WDR64: variants seen among roughly 807,000 people sequenced by gnomAD.
WDR64 encodes the protein WD repeat domain 64.
A neutral mutation model predicts 139.3 loss-of-function variants in WDR64; 112 were observed. The ratio of observed to expected loss-of-function variants is 0.80; its 90% CI spans 0.69 to 0.94. The LOEUF (loss-of-function observed/expected upper bound fraction) is 0.94. Among genes scored for constraint, WDR64 ranks in the 40% least tolerant of loss-of-function variants. The pLI, the probability that WDR64 is intolerant of heterozygous loss-of-function variation, is 0.00. For synonymous variants in WDR64, 444 were observed against 437.7 expected (o/e 1.01, Z -0.18); for missense variants, 1,206 against 1,293.1 (o/e 0.93, Z 1.03).
chr1:241,675,112 C>CTTT (rs1666468101), intron 4 of WDR64, among the ~76,000 whole-genome samples: 1 of 96,802 alleles, frequency 1.0e-5, no homozygotes, highest in African/African-American at 4.6e-5. Flanking sequence ...CTCCTTCCTT[C>CTTT]CTCCCTCCCT....
chr1:241,760,188 T>C (rs953873600), intron 15 of WDR64, among the ~76,000 whole-genome samples: 1 of 152,204 alleles, frequency 6.6e-6, no homozygotes, highest in Non-Finnish European at 1.5e-5. Flanking sequence ...TGGGTGTACA[T>C]GTATTTCATT....
intron 20 of WDR64, among the ~76,000 whole-genome samples, chr1:241,774,081 T>C (rs1302516770): frequency 6.6e-6 from 1 of 152,170 alleles, no homozygotes; most frequent in East Asian, 1.9e-4. Context: ...CAGAAGATGA[T>C]GAAAGGAAGG....
rs1201060683 is a variant in WDR64, at chr1:241,741,588, A to G, written c.1394A>G (p.Glu465Gly). Residue 465 changes from glutamate (E) to glycine (G), a missense_variant, in exon 12 of 28, where the codon GAA becomes GGA. Transcript: ENST00000437684. ...ACAAAACAGGTTCCTCACACTCATG[A>G]ACGAGAAATCAATGTCATGCTTTAC... ...QDTKQVPHTHEREINVMLYNK... is the reference protein window; with the variant it reads ...QDTKQVPHTHGREINVMLYNK... The G allele has an allele frequency of 2.4e-5, 38 of 1,613,570 alleles. No individual in the cohort carries two copies. The highest frequency in any genetic ancestry group is 3.2e-5 in the Non-Finnish European group (38 of 1,179,866).
At chr1:241,738,633 A>C (rs6413961) in intron 11 of WDR64, 144 bp downstream of exon 11, 309,584 of 850,806 alleles carry the variant, frequency 0.36, 57,848 homozygotes, top group East Asian at 0.48. Flanking sequence ...TAGATATTTA[A>C]TTCAATTCTG....
intron 11 of WDR64, 90 bp downstream of exon 11, chr1:241,738,579 A>G (rs1171353550): frequency 2.2e-6 from 3 of 1,334,480 alleles, no homozygotes; most frequent in South Asian, 3.2e-5. Flanking sequence ...CTACAAGGAA[A>G]ACAAAACTAG....
intron 20 of WDR64, 137 bp downstream of exon 20, chr1:241,773,068 C>CAG: frequency 4.4e-6 from 5 of 1,130,938 alleles, no homozygotes; most frequent in Non-Finnish European, 6.0e-6. Context: ...GCTGATCTTG[C>CAG]AGCCTGTTTA....
chr1:241,795,351 T>G (rs1392380277), intron 26 of WDR64, 64 bp downstream of exon 26: 2 of 1,444,652 alleles, frequency 1.4e-6, no homozygotes, highest in African/African-American at 2.8e-5. Flanking sequence ...ATCTCATTCC[T>G]GACCCTGGGC....
intron 8 of WDR64, among the ~76,000 whole-genome samples, chr1:241,706,256 A>G (rs1667949788): frequency 6.6e-6 from 1 of 152,218 alleles, no homozygotes; most frequent in Non-Finnish European, 1.5e-5. Flanking sequence ...GGCTGCATTC[A>G]CACTGATACT....
chr1:241,705,503 C>T (rs368201183), intron 8 of WDR64, among the ~76,000 whole-genome samples: 2 of 150,724 alleles, frequency 1.3e-5, no homozygotes, highest in African/African-American at 4.9e-5. Context: ...GATCGCGCCA[C>T]TGCACTCCAG....
intron 6 of WDR64, 107 bp from the exon 7 acceptor site, chr1:241,683,380 T>C (rs1666886666): frequency 2.9e-6 from 3 of 1,037,948 alleles, no homozygotes; most frequent in Admixed American, 2.4e-5. Flanking sequence ...GATAGGTGTA[T>C]CTACAATAAG....
chr1:241,766,139 T>C, intron 15 of WDR64, 79 bp from the exon 16 acceptor site: 1 of 1,393,314 alleles, frequency 7.2e-7, no homozygotes, highest in East Asian at 2.3e-5. Context: ...TTGATGACAA[T>C]TACAAAGTGT....
In WDR64 at chr1:241,741,651, A is replaced by C. The variant is rs568325933; in HGVS notation, c.1457A>C (p.Glu486Ala). The change falls in exon 12 of 28, where the codon GAA becomes GCA. Residue 486 changes from glutamate to alanine, a missense_variant. Transcript: ENST00000437684. Reference sequence around the variant, plus strand: ...CATCAAGTACTCACTATCTGCTCTGAATCCATAATTAGGGTAAGTACCTAT... The same window carrying C: ...CATCAAGTACTCACTATCTGCTCTGCATCCATAATTAGGGTAAGTACCTAT... ...YFHQVLTICS[E>A]SIIRVWELET... The C allele has an allele frequency of 2.5e-5, 41 of 1,608,554 alleles. 1 individual carries two copies. The Admixed American group carries it at 6.4e-4, about 25-fold the overall frequency.
intron 16 of WDR64, among the ~76,000 whole-genome samples, chr1:241,766,899 G>T (rs1183036551): frequency 6.6e-6 from 1 of 152,136 alleles, no homozygotes; most frequent in Non-Finnish European, 1.5e-5. Context: ...TTCTCAACTA[G>T]TATATGCTTT....
At chr1:241,692,355 G>A (rs1667334532) in intron 8 of WDR64, among the ~76,000 whole-genome samples, 2 of 152,162 alleles carry the variant, frequency 1.3e-5, no homozygotes, top group Non-Finnish European at 2.9e-5. Flanking sequence ...CAATAATGAA[G>A]AGGAAGAAAC....
At chr1:241,706,128 A>G (rs140512437) in intron 8 of WDR64, among the ~76,000 whole-genome samples, 1 of 152,350 alleles carries the variant, frequency 6.6e-6, no homozygotes, top group African/African-American at 2.4e-5. Context: ...TTCTGATTTT[A>G]AGTGCAACTA....
In WDR64 at chr1:241,795,216, T is replaced by A; in HGVS notation, c.3007T>A (p.Tyr1003Asn). The change falls in exon 26 of 28, where the codon TAT becomes AAT. Residue 1003 changes from tyrosine (Y) to asparagine (N), a missense_variant. Transcript: ENST00000437684. Reference sequence around the variant, plus strand: ...TCCCTTTGTTTTGCAGATTCGAAGATATCCCTTGGAAGGTTTCGTGACTGA... The same window carrying A: ...TCCCTTTGTTTTGCAGATTCGAAGAAATCCCTTGGAAGGTTTCGTGACTGA... ...KSLSSPKIRR[Y>N]PLEGFVTENR... 6.2e-7 allele frequency: 1 copy of A among 1,613,916 alleles called. No individual in the cohort carries two copies.
chr1:241,743,036 G>A lies in WDR64; in HGVS notation c.1471-1357G>A, dbSNP rs535139958. 6.8e-4 allele frequency among the ~76,000 whole-genome samples: 103 copies of A among 152,290 alleles called. 4 individuals are homozygous for A. In the South Asian group the frequency reaches 0.018, roughly 26 times the overall value. ...CTCTCAGTCTCTGACTTCTGTGATC[G>A]TTTGCTGGAGATTTTCTCAAGTGAG... On this transcript the variant is annotated intron_variant, in intron 12 of 27. Coordinates refer to ENST00000437684, the MANE Select transcript of WDR64 (RefSeq NM_001367482.1).
At chr1:241,782,965 C>A (rs1433118791) in intron 22 of WDR64, among the ~76,000 whole-genome samples, 5 of 152,196 alleles carry the variant, frequency 3.3e-5, no homozygotes, top group Non-Finnish European at 2.9e-5. Flanking sequence ...GCATCTCTTT[C>A]CTCTAGTCAT....
At chr1:241,660,695 G>A in intron 2 of WDR64, 35 bp downstream of exon 2, 1 of 1,539,356 alleles carries the variant, frequency 6.5e-7, no homozygotes, top group East Asian at 2.5e-5. Flanking sequence ...ATGAAATCCA[G>A]GTATTATTTT....
Sources: gnomAD v4.1 joint callset for allele counts (sites outside exome capture counted in the v4.1 genomes callset) on GRCh38, gnomAD v4.1.1 for gene constraint, MANE v1.5 for transcripts, NCBI Gene and HGNC (gene_info 2026-07-23, HGNC 2026-07-21) for gene names.